The following PCDHGA12 variants were observed in gnomAD, a reference collection of about 807,000 sequenced individuals.
PCDHGA12 encodes protocadherin gamma-A12.
A neutral mutation model predicts 61.1 loss-of-function variants in PCDHGA12; 43 were observed. The observed-to-expected ratio is 0.70, with a 90% CI of 0.55 to 0.91. The LOEUF is 0.91. Among genes scored for constraint, PCDHGA12 ranks in the 40% least tolerant of loss-of-function variants. PCDHGA12 has a pLI of 0.00. For synonymous variants in PCDHGA12, 520 were observed against 542.9 expected (o/e 0.96, Z 0.59); for missense variants, 1,236 against 1,227.7 (o/e 1.01, Z -0.10).
intron 1 of PCDHGA12, among the ~76,000 whole-genome samples, chr5:141,473,916 A>T (rs1014065718): frequency 2.6e-5 from 4 of 152,162 alleles, no homozygotes; most frequent in Non-Finnish European, 4.4e-5. Flanking sequence ...TCTTAAGAAA[A>T]CTATGAGCTG....
chr5:141,483,779 A>G (rs1259583177), intron 1 of PCDHGA12, among the ~76,000 whole-genome samples: 2 of 152,146 alleles, frequency 1.3e-5, no homozygotes, highest in Non-Finnish European at 2.9e-5. Context: ...TTGGGGAAGG[A>G]TAAGAACTCC....
chr5:141,479,928 C>T (rs1309777916), intron 1 of PCDHGA12, among the ~76,000 whole-genome samples: 1 of 152,222 alleles, frequency 6.6e-6, no homozygotes, highest in African/African-American at 2.4e-5. Flanking sequence ...CTCAGTGCAT[C>T]ATTGCTATCA....
chr5:141,481,694 C>A (rs2099542163), intron 1 of PCDHGA12, among the ~76,000 whole-genome samples: 1 of 152,130 alleles, frequency 6.6e-6, no homozygotes, highest in South Asian at 2.1e-4. Flanking sequence ...TGGCTCACGC[C>A]TGTAATCCCA....
intron 1 of PCDHGA12, chr5:141,478,393 G>A (rs2099452978): frequency 6.2e-7 from 1 of 1,613,488 alleles, no homozygotes; most frequent in South Asian, 1.1e-5. Flanking sequence ...TTTACCATCA[G>A]GTGTATCTCA....
chr5:141,431,068 A>G lies in PCDHGA12; in HGVS notation c.309A>G (p.Gln103=). 2 of 1,614,218 alleles carry G rather than the reference A, an allele frequency of 1.2e-6. No individual in the cohort carries two copies. Among genetic ancestry groups the G allele is most frequent in the South Asian group, 1.1e-5 (1 of 91,088 alleles). The change falls in exon 1 of 4, where the codon CAA becomes CAG. Residue 103 remains glutamine (Q), a synonymous_variant. Coordinates refer to ENST00000252085, the MANE Select transcript of PCDHGA12 (RefSeq NM_003735.3). The surrounding 1 kb of genome is among the most constrained non-coding windows in gnomAD (Gnocchi z 4.8). ...TCTGTATGGGGGCCATCAAGTGTCA[A>G]TTAAATCTAGACATTCTGATGGAGG... ...EELCMGAIKC[Q]LNLDILMEDK... is the part of the protein sequence containing the mutation.
At chr5:141,482,530 CAAAAAAA>C (rs3074545) in intron 1 of PCDHGA12, among the ~76,000 whole-genome samples, 2 of 76,560 alleles carry the variant, frequency 2.6e-5, no homozygotes, top group South Asian at 4.6e-4. Flanking sequence ...GACAGACATG[CAAAAAAA>C]AAAAAAAAAA....
intron 1 of PCDHGA12, among the ~76,000 whole-genome samples, chr5:141,464,983 C>G (rs1294132264): frequency 6.6e-6 from 1 of 152,050 alleles, no homozygotes; most frequent in African/African-American, 2.4e-5. Flanking sequence ...TTCAAGTGAT[C>G]CTCCCACCTC....
chr5:141,478,049 A>G, intron 1 of PCDHGA12: 2 of 1,614,056 alleles, frequency 1.2e-6, no homozygotes, highest in Middle Eastern at 3.3e-4. Flanking sequence ...GCAGACTCTC[A>G]CGGTCTTGAT....
chr5:141,500,839 G>A (rs2099802871), intron 2 of PCDHGA12, among the ~76,000 whole-genome samples: 1 of 151,906 alleles, frequency 6.6e-6, no homozygotes, highest in African/African-American at 2.4e-5. Flanking sequence ...ATGCTAATGG[G>A]CTTTTGCTAC....
chr5:141,504,949 G>A (rs1234166109), intron 2 of PCDHGA12, among the ~76,000 whole-genome samples: 5 of 152,098 alleles, frequency 3.3e-5, no homozygotes, highest in Non-Finnish European at 1.5e-5. Context: ...AATGCACTAT[G>A]TTCAATGCAT....
In PCDHGA12 at chr5:141,489,153, G is replaced by A; in HGVS notation, c.2425-5654G>A. The A allele has an allele frequency of 1.1e-6, 1 of 935,832 alleles. No homozygotes were observed. The highest frequency in any genetic ancestry group is 1.6e-6 in the Non-Finnish European group (1 of 627,178). 58.0% of individuals were successfully genotyped at this position (935,832 alleles called of 1,614,324 possible). A position where few individuals can be genotyped will look rare whatever the true frequency, so the allele number is the denominator to read the frequency against. ...TTTAAGAGGCTGGAAGGAGACATAA[G>A]AGACTTCAGCTGCTGCATTCCAAGC... On this transcript the variant is annotated intron_variant, in intron 1 of 3. Coordinates refer to ENST00000252085, the MANE Select transcript of PCDHGA12 (RefSeq NM_003735.3). This position sits in a 1 kb window ranked among gnomAD's most constrained non-coding sequence, Gnocchi z 4.5.
Position 141,490,254 on chromosome 5 carries a change from G to A in PCDHGA12, c.2425-4553G>A. The A allele has an allele frequency of 6.2e-7, 1 of 1,614,236 alleles. No homozygotes were observed. Among genetic ancestry groups the A allele is most frequent in the Non-Finnish European group, 8.5e-7 (1 of 1,180,038 alleles). ...TGGAGGGCCACTGTGTGATTCAAGT[G>A]GATGTGGGGGATGTCAATGACAATG... On this transcript the variant is annotated intron_variant, in intron 1 of 3. Coordinates refer to ENST00000252085, the MANE Select transcript of PCDHGA12 (RefSeq NM_003735.3). The surrounding 1 kb of genome is among the most constrained non-coding windows in gnomAD (Gnocchi z 5.4).
chr5:141,466,674 T>C (rs2099127051), intron 1 of PCDHGA12, among the ~76,000 whole-genome samples: 1 of 152,222 alleles, frequency 6.6e-6, no homozygotes, highest in South Asian at 2.1e-4. Flanking sequence ...TTCACCGTTC[T>C]TCCACTCAAG....
chr5:141,438,545 A>C (rs915206342), intron 1 of PCDHGA12, among the ~76,000 whole-genome samples: 4 of 140,354 alleles, frequency 2.8e-5, no homozygotes, highest in Admixed American at 7.4e-5. Flanking sequence ...TCTATATCTA[A>C]GCCCTAATAA....
At chr5:141,454,426 GAC>G (rs746508144) in intron 1 of PCDHGA12, among the ~76,000 whole-genome samples, 3 of 152,168 alleles carry the variant, frequency 2.0e-5, no homozygotes, top group Non-Finnish European at 2.9e-5. Context: ...TTTATTTAGA[GAC>G]AGAGTTTCAC....
rs911461762 is a variant in PCDHGA12 at position 141,512,938 on chromosome 5, T to C, written c.*1765T>C. The stretch of plus-strand genomic sequence containing the variant: ...ACTCTAATATTTATATGGCTTTTTT[T>C]CTTCGACAAAAAAATAATAAAACGT... On this transcript the variant is annotated 3_prime_UTR_variant, in exon 4 of 4. Coordinates refer to ENST00000252085, the MANE Select transcript of PCDHGA12 (RefSeq NM_003735.3). 6.6e-6 allele frequency: 1 copy of C among 151,928 alleles called. No homozygotes were observed. Among genetic ancestry groups the C allele is most frequent in the Non-Finnish European group, 1.5e-5 (1 of 67,934 alleles). The allele number at this position is 151,928 out of a possible 1,614,324, so 9.4% of individuals were successfully genotyped here.
intron 3 of PCDHGA12, among the ~76,000 whole-genome samples, chr5:141,509,801 T>C (rs556629445): frequency 2.6e-5 from 4 of 152,140 alleles, no homozygotes; most frequent in South Asian, 2.1e-4. Flanking sequence ...CTCAGCTTCA[T>C]AGAGCCGAGC....
rs560197175 is a variant in PCDHGA12, at chr5:141,434,430, G to A, written c.2424+1247G>A. Among the ~76,000 whole-genome samples the A allele has an allele frequency of 2.4e-4, 36 of 152,326 alleles. 1 individual carries two copies. In the South Asian group the frequency reaches 6.4e-3, roughly 27 times the overall value. On this transcript the variant is annotated intron_variant, in intron 1 of 3. Coordinates refer to ENST00000252085, the MANE Select transcript of PCDHGA12 (RefSeq NM_003735.3). ...GCACTGTGACATGTTCATGATGGCC[G>A]TAATGCCCATGCTGGAAGGTAGTGG...
intron 1 of PCDHGA12, among the ~76,000 whole-genome samples, chr5:141,443,210 G>A (rs142248407): frequency 3.2e-4 from 49 of 151,888 alleles, no homozygotes; most frequent in African/African-American, 9.4e-4. Context: ...AGCTTGTCTC[G>A]CCAGGCGCAT....
Sources: allele counts gnomAD v4.1 joint callset (sites outside exome capture counted in the v4.1 genomes callset), GRCh38; gene constraint gnomAD v4.1.1; non-coding constraint Gnocchi (gnomAD v3.1); transcripts MANE v1.5; gene names NCBI Gene and HGNC (gene_info 2026-07-23, HGNC 2026-07-21).